Variants in UBTF observed in about 807,000 individuals in gnomAD.
The protein encoded by UBTF is nucleolar transcription factor 1.
Under a neutral mutation model 112.3 loss-of-function variants are expected in UBTF, and 8 were observed. The observed-to-expected ratio is 0.07, with a 90% CI of 0.04 to 0.13. The LOEUF is 0.13. UBTF is among the 10% of genes least tolerant of loss of function. The pLI, the probability that UBTF is intolerant of heterozygous loss-of-function variation, is 1.00. For synonymous variants in UBTF, 417 were observed against 373.1 expected, an observed-to-expected ratio of 1.12 and a Z score of -1.36; for missense variants, 457 against 982.1, an observed-to-expected ratio of 0.47 and a Z score of 7.15.
intron 8 of UBTF, 68 bp from the exon 9 acceptor site, chr17:44,212,074 G>A: frequency 6.5e-7 from 1 of 1,545,136 alleles, no homozygotes; most frequent in Non-Finnish European, 8.8e-7. Context: ...GGCAGGGGGA[G>A]AGCCGCTGGG....
intron 5 of UBTF, 123 bp downstream of exon 5, chr17:44,215,531 G>T: frequency 8.0e-7 from 1 of 1,255,526 alleles, no homozygotes; most frequent in Non-Finnish European, 1.1e-6. Flanking sequence ...GACCTATTCT[G>T]CTGTGCTGAC....
Position 44,212,806 on chromosome 17 carries a change from G to C in UBTF, c.660+13C>G. The stretch of plus-strand genomic sequence containing the variant: ...GTGCATCCTCCACCCCCAACCCTTG[G>C]CCGGACACTCACATCTGGCCGCACT... On this transcript the variant is annotated intron_variant, in intron 7 of 20. Coordinates refer to ENST00000436088, the MANE Select transcript of UBTF (RefSeq NM_014233.4). The C allele has an allele frequency of 6.2e-7, 1 of 1,613,704 alleles. No homozygotes were observed.
At chr17:44,213,663 C>T (rs1167965965) in intron 5 of UBTF, among the ~76,000 whole-genome samples, 1 of 152,212 alleles carries the variant, frequency 6.6e-6, no homozygotes, top group Non-Finnish European at 1.5e-5. Context: ...GGCCTTGCTC[C>T]TGTCACTCCC....
Position 44,206,670 on chromosome 17 carries a change from C to T in UBTF, c.*572G>A, listed in dbSNP as rs3169720. 5.6e-3 allele frequency: 878 copies of T among 155,998 alleles called. 12 individuals carry two copies. The highest frequency in any genetic ancestry group is 0.046 in the East Asian group (244 of 5,272). The allele number at this position is 155,998 out of a possible 1,614,324, so 9.7% of individuals were successfully genotyped here. A position where few individuals can be genotyped will look rare whatever the true frequency, so the allele number is the denominator to read the frequency against. ...CATATATAAAAAACACTTCTGCCCCCTCCCCCATGAACGGGTCCAGGCAGC... is the reference window on the plus strand; with the variant it reads ...CATATATAAAAAACACTTCTGCCCCTTCCCCCATGAACGGGTCCAGGCAGC... On this transcript the variant is annotated 3_prime_UTR_variant, in exon 21 of 21. Transcript: ENST00000436088.
At chr17:44,214,323 C>T (rs138772565) in intron 5 of UBTF, among the ~76,000 whole-genome samples, 1 of 152,340 alleles carries the variant, frequency 6.6e-6, no homozygotes, top group East Asian at 1.9e-4. Flanking sequence ...CAGTTTTAGA[C>T]CTGAAGGGGA....
Position 44,207,111 on chromosome 17 carries a change from T to C in UBTF, c.*131A>G. ...CCTACCCCCACCGTATTTTTTTTTT[T>C]TTTTAAAGAAAGAAAGAAAGTGGGG... is the stretch of plus-strand genomic sequence containing the variant. On this transcript the variant is annotated 3_prime_UTR_variant, in exon 21 of 21. Coordinates refer to ENST00000436088, the MANE Select transcript of UBTF (RefSeq NM_014233.4). 1 of 1,045,312 alleles carries C rather than the reference T, an allele frequency of 9.6e-7. No homozygotes were observed. Among genetic ancestry groups the C allele is most frequent in the Non-Finnish European group, 1.4e-6 (1 of 737,204 alleles). 64.8% of individuals were successfully genotyped at this position (1,045,312 alleles called of 1,614,324 possible). A position where few individuals can be genotyped will look rare whatever the true frequency, so the allele number is the denominator to read the frequency against.
In UBTF at chr17:44,210,488, C is replaced by T. The variant is rs2056584984; in HGVS notation, c.1360-15G>A. The stretch of plus-strand genomic sequence containing the variant: ...TTGTACTTGGCCTGCGGGGATGGCC[C>T]GGGCGTCAGCCTTCCACCCACCCCC... On this transcript the variant is annotated splice_polypyrimidine_tract_variant and intron_variant, in intron 13 of 20. Transcript: ENST00000436088. 1 of 1,582,614 alleles carries T rather than the reference C, an allele frequency of 6.3e-7. No homozygotes were observed. The highest frequency in any genetic ancestry group is 1.4e-5 in the African/African-American group (1 of 73,546).
At chr17:44,218,458 T>TCTTCCTCGTGACCCCCTCCC in intron 1 of UBTF, 162 bp from the exon 2 acceptor site, 1 of 520,746 alleles carries the variant, frequency 1.9e-6, no homozygotes, top group Non-Finnish European at 3.3e-6. Context: ...GCGCCCCTCC[T>TCTTCCTCGTGACCCCCTCCC]CTTCCTCGTG....
rs1309196639 is a variant in UBTF at position 44,207,694 on chromosome 17, C to T, written c.2025+5G>A. 1.2e-6 allele frequency: 2 copies of T among 1,614,078 alleles called. No individual in the cohort carries two copies. The highest frequency in any genetic ancestry group is 1.7e-6 in the Non-Finnish European group (2 of 1,180,038). On this transcript the variant is annotated splice_donor_5th_base_variant and intron_variant, in intron 19 of 20. Coordinates refer to ENST00000436088, the MANE Select transcript of UBTF (RefSeq NM_014233.4). ...ACGCCCCTGCATCTGGGAGGGGCTC[C>T]TTACCGACTTGGACTGCAGAGTAGT...
rs1430410643 is a variant in UBTF at position 44,210,429 on chromosome 17, C to G, written c.1404G>C (p.Glu468Asp). Residue 468 changes from glutamate to aspartate, a missense_variant, in exon 14 of 21, where the codon GAG becomes GAC. Physicochemically the swap from Glu to Asp is conservative, Grantham distance 45. Around this residue, in one of 7 missense-constraint regions of UBTF, gnomAD observed 108 missense variants for 137.4 expected, o/e 0.79. Transcript: ENST00000436088. ...AREAALKAQS[E>D]RKPGGEREER... Reference sequence around the variant, plus strand: ...CCTCGCGCTCCCCGCCGGGCTTCCTCTCCGACTGAGCCTTGAGCGCCGCCT... The same window carrying G: ...CCTCGCGCTCCCCGCCGGGCTTCCTGTCCGACTGAGCCTTGAGCGCCGCCT... 1.2e-6 allele frequency: 2 copies of G among 1,613,836 alleles called. No individual in the cohort carries two copies. Among genetic ancestry groups the G allele is most frequent in the Non-Finnish European group, 1.7e-6 (2 of 1,179,986 alleles).
At chr17:44,218,605 A>AAAAAG (rs2144557940) in intron 1 of UBTF, 1 of 206,754 alleles carries the variant, frequency 4.8e-6, no homozygotes, top group African/African-American at 2.4e-5. Context: ...AAAAAAAAAA[A>AAAAAG]AAAAGAAAAA....
At chr17:44,214,494 G>C (rs963419787) in intron 5 of UBTF, among the ~76,000 whole-genome samples, 1 of 152,152 alleles carries the variant, frequency 6.6e-6, no homozygotes, top group Non-Finnish European at 1.5e-5. Context: ...AGTTTCTTCT[G>C]GCCTTCCCTG....
In UBTF at chr17:44,212,878, T is replaced by G. The variant is rs939472336; in HGVS notation, c.601A>C (p.Thr201Pro). Residue 201 changes from threonine (T) to proline (P), a missense_variant, in exon 7 of 21, where the codon ACC becomes CCC. Physicochemically the swap from Thr to Pro is conservative, Grantham distance 38. Around this residue, in one of 7 missense-constraint regions of UBTF, gnomAD observed 87 missense variants for 286.6 expected, o/e 0.30. Coordinates refer to ENST00000436088, the MANE Select transcript of UBTF (RefSeq NM_014233.4). ...KKSDIPEKPK[T>P]PQQLWYTHEK... ...TGGGTGTACCACAGCTGCTGGGGGG[T>G]TTTGGGCTTCTCTGGGATGTCCGAT... is the stretch of plus-strand genomic sequence containing the variant. 6.2e-7 allele frequency: 1 copy of G among 1,613,622 alleles called. No homozygotes were observed. The highest frequency in any genetic ancestry group is 8.5e-7 in the Non-Finnish European group (1 of 1,179,852).
chr17:44,209,624 G>A (rs1010954988), intron 16 of UBTF, 21 bp downstream of exon 16: 2 of 1,614,150 alleles, frequency 1.2e-6, no homozygotes, highest in South Asian at 1.1e-5. Flanking sequence ...CTCCAGGGCA[G>A]ACTCCAACCC....
In UBTF at chr17:44,206,413, T is replaced by TACACACAC. The variant is rs3837836; in HGVS notation, c.*821_*828dup. 2,120 of 146,808 alleles carry TACACACAC rather than the reference T, an allele frequency of 0.014. 31 individuals are homozygous for TACACACAC. The highest frequency in any genetic ancestry group is 0.032 in the African/African-American group (1,242 of 39,128). 9.1% of individuals were successfully genotyped at this position (146,808 alleles called of 1,614,324 possible). ...ATGTGGGCTCTAGGACAGACCCCTT[T>TACACACAC]ACACACACACACACACACTCACACT... is the stretch of plus-strand genomic sequence containing the variant. On this transcript the variant is annotated 3_prime_UTR_variant, in exon 21 of 21. Transcript: ENST00000436088.
At chr17:44,209,179 A>G (rs28651449) in intron 17 of UBTF, 173 bp downstream of exon 17, 2 of 687,124 alleles carry the variant, frequency 2.9e-6, no homozygotes, top group Non-Finnish European at 4.5e-6. Context: ...AAAATAAAAA[A>G]AAAAATAAAA....
At chr17:44,210,518 GGC>G (rs781546125) in intron 13 of UBTF, 45 bp from the exon 14 acceptor site, 1 of 1,518,574 alleles carries the variant, frequency 6.6e-7, no homozygotes, top group Non-Finnish European at 8.7e-7. Flanking sequence ...ACCCCCAGGG[GGC>G]GCGCGCTCCC....
chr17:44,218,110 G>T, intron 2 of UBTF, 62 bp downstream of exon 2: 1 of 1,525,642 alleles, frequency 6.6e-7, no homozygotes, highest in Non-Finnish European at 9.1e-7. Flanking sequence ...AAGGGAGTGA[G>T]CCCCGCAGCC....
Position 44,211,188 on chromosome 17 carries a change from G to A in UBTF, c.1090-36C>T. On this transcript the variant is annotated intron_variant, in intron 11 of 20. Coordinates refer to ENST00000436088, the MANE Select transcript of UBTF (RefSeq NM_014233.4). This position sits in a 1 kb window ranked among gnomAD's most constrained non-coding sequence, Gnocchi z 4.9. ...AAGAGGAGCACGGGGCTGCATGCCT[G>A]GCACCCAGACTGCATGGTGCCCTAT... 6.2e-7 allele frequency: 1 copy of A among 1,613,032 alleles called. No homozygotes were observed. The highest frequency in any genetic ancestry group is 8.5e-7 in the Non-Finnish European group (1 of 1,179,748).
Sources: allele counts gnomAD v4.1 joint callset (sites outside exome capture counted in the v4.1 genomes callset), GRCh38; gene constraint gnomAD v4.1.1; regional missense constraint gnomAD v4.1.1; non-coding constraint Gnocchi (gnomAD v3.1); transcripts MANE v1.5; gene names NCBI Gene and HGNC (gene_info 2026-07-23, HGNC 2026-07-21).